CLIC5: variants seen among roughly 807,000 people sequenced by gnomAD.
CLIC5 encodes chloride intracellular channel protein 5.
In CLIC5, 20 loss-of-function variants were observed where a neutral mutation model predicts 24.7. That is an observed-to-expected ratio of 0.81 (90% CI 0.57 to 1.18). The LOEUF (loss-of-function observed/expected upper bound fraction) is 1.18, where lower values mean the gene tolerates loss of function less well. Among genes scored for constraint, CLIC5 ranks in the 50% most tolerant of loss-of-function variants. The pLI, the probability that CLIC5 is intolerant of heterozygous loss-of-function variation, is 0.00. For synonymous variants in CLIC5, 159 were observed against 135.6 expected (o/e 1.17, Z -1.20); for missense variants, 341 against 326.1 (o/e 1.05, Z -0.35).
At chr6:45,897,080 A>C (rs1274039894), downstream of CLIC5, among the ~76,000 whole-genome samples, 2 of 152,154 alleles carry the variant, frequency 1.3e-5, no homozygotes, top group African/African-American at 4.8e-5. Flanking sequence ...CTGTGGTCAC[A>C]TCAAGGACCC....
chr6:45,939,391 T>A (rs1764052477), intron 4 of CLIC5, among the ~76,000 whole-genome samples: 1 of 151,668 alleles, frequency 6.6e-6, no homozygotes, highest in Admixed American at 6.6e-5. Context: ...TTTTTGTATT[T>A]TTAGTGGAGA....
intron 1 of CLIC5, among the ~76,000 whole-genome samples, chr6:46,069,938 G>C (rs1368239639): frequency 6.6e-6 from 1 of 152,010 alleles, no homozygotes; most frequent in Non-Finnish European, 1.5e-5. Flanking sequence ...CAATAAATGT[G>C]ACTCATCACA....
the CLIC5 span, among the ~76,000 whole-genome samples, chr6:46,120,652 C>T: frequency 1.3e-5 from 2 of 152,026 alleles, no homozygotes; most frequent in South Asian, 2.1e-4. Context: ...GGAGGAAGTA[C>T]GAACCCATCA....
chr6:45,943,157 G>C (rs977716864), intron 3 of CLIC5, among the ~76,000 whole-genome samples: 1 of 152,262 alleles, frequency 6.6e-6, no homozygotes, highest in Non-Finnish European at 1.5e-5. Context: ...GAGAGGTTAA[G>C]CAATTTGCCT....
intron 6 of CLIC5, among the ~76,000 whole-genome samples, chr6:45,883,289 A>G (rs1762278431): frequency 6.6e-6 from 1 of 152,174 alleles, no homozygotes; most frequent in Non-Finnish European, 1.5e-5. Flanking sequence ...GGGCTTGTTT[A>G]AATTTTATTT....
At chr6:45,976,641 A>G (rs1387713892) in intron 1 of CLIC5, among the ~76,000 whole-genome samples, 1 of 152,252 alleles carries the variant, frequency 6.6e-6, no homozygotes, top group Non-Finnish European at 1.5e-5. Context: ...AATTCAAAGC[A>G]GTTAAAAATG....
intron 1 of CLIC5, among the ~76,000 whole-genome samples, chr6:46,078,834 A>G (rs1458824967): frequency 6.6e-6 from 1 of 152,252 alleles, no homozygotes; most frequent in East Asian, 1.9e-4. Flanking sequence ...AGTGTGTTTC[A>G]TCAGAAATGT....
chr6:46,120,748 G>A, the CLIC5 span, among the ~76,000 whole-genome samples: 1 of 152,168 alleles, frequency 6.6e-6, no homozygotes, highest in Non-Finnish European at 1.5e-5. Context: ...GGACCTGATG[G>A]AGCTGAAAAC....
At chr6:45,941,464 G>T in intron 4 of CLIC5, 83 bp downstream of exon 4, 1 of 1,061,804 alleles carries the variant, frequency 9.4e-7, no homozygotes, top group Non-Finnish European at 1.5e-6. Flanking sequence ...CCAAGTATTT[G>T]ACATGCCTAT....
intron 1 of CLIC5, among the ~76,000 whole-genome samples, chr6:46,039,561 A>G (rs1201391167): frequency 6.6e-6 from 1 of 152,138 alleles, no homozygotes; most frequent in African/African-American, 2.4e-5. Context: ...GAAAACGAAT[A>G]AAATAAGCAT....
chr6:46,058,343 G>C (rs1306016708), intron 1 of CLIC5, among the ~76,000 whole-genome samples: 1 of 152,098 alleles, frequency 6.6e-6, no homozygotes, highest in Non-Finnish European at 1.5e-5. Context: ...ACTCTTCATG[G>C]CAAGTGTCTG....
chr6:45,943,058 C>T (rs1764185414), intron 3 of CLIC5, among the ~76,000 whole-genome samples: 1 of 152,192 alleles, frequency 6.6e-6, no homozygotes, highest in African/African-American at 2.4e-5. Flanking sequence ...TGTTCTATTC[C>T]CTTTACACGT....
chr6:46,034,016 A>T (rs1362202909), intron 1 of CLIC5, among the ~76,000 whole-genome samples: 1 of 152,256 alleles, frequency 6.6e-6, no homozygotes, highest in Non-Finnish European at 1.5e-5. Context: ...ACATGTTAGT[A>T]TAACATAAAC....
At chr6:46,008,193 C>T (rs1447176896) in intron 1 of CLIC5, among the ~76,000 whole-genome samples, 3 of 152,302 alleles carry the variant, frequency 2.0e-5, no homozygotes, top group Admixed American at 6.5e-5. Context: ...CCCCTCCTGC[C>T]ACTGTTGTTG....
At chr6:46,111,524 T>C in the CLIC5 span, among the ~76,000 whole-genome samples, 1 of 152,228 alleles carries the variant, frequency 6.6e-6, no homozygotes, top group East Asian at 1.9e-4. Context: ...GCTATTCAAT[T>C]GACCTGATCT....
At chr6:46,038,202 A>G (rs1365318417) in intron 1 of CLIC5, among the ~76,000 whole-genome samples, 1 of 152,236 alleles carries the variant, frequency 6.6e-6, no homozygotes, top group Non-Finnish European at 1.5e-5. Flanking sequence ...ATGAAAAAAA[A>G]ATGAAGCACA....
intron 4 of CLIC5, among the ~76,000 whole-genome samples, chr6:45,929,418 G>C (rs1763638641): frequency 6.6e-6 from 1 of 152,130 alleles, no homozygotes. Context: ...CTCCGAGGTG[G>C]GTCCCACCGA....
intron 1 of CLIC5, among the ~76,000 whole-genome samples, chr6:46,073,610 A>G (rs1279088030): frequency 1.3e-5 from 2 of 152,220 alleles, no homozygotes; most frequent in Non-Finnish European, 2.9e-5. Flanking sequence ...TGTTTTGCTC[A>G]TGGTATCCTC....
chr6:45,961,104 C>T (rs1052540171), intron 1 of CLIC5, among the ~76,000 whole-genome samples: 7 of 152,086 alleles, frequency 4.6e-5, no homozygotes, highest in African/African-American at 1.7e-4. Context: ...TTTTTGTGAC[C>T]TTTGACTTCT....
Sources: allele counts gnomAD v4.1 joint callset (sites outside exome capture counted in the v4.1 genomes callset), GRCh38; gene constraint gnomAD v4.1.1; transcripts MANE v1.5; gene names NCBI Gene and HGNC (gene_info 2026-07-23, HGNC 2026-07-21).